The following CLUAP1 variants were observed in gnomAD, a reference collection of about 807,000 sequenced individuals.
CLUAP1 encodes clusterin-associated protein 1.
CLUAP1 carries 50 observed loss-of-function variants against 55.0 expected under a neutral mutation model. The observed-to-expected ratio is 0.91, with a 90% CI of 0.72 to 1.15. The LOEUF (loss-of-function observed/expected upper bound fraction) is 1.15, where lower values mean the gene tolerates loss of function less well. CLUAP1 is among the 50% of genes most tolerant of loss of function. The pLI is 0.00. For synonymous variants in CLUAP1, 195 were observed against 175.4 expected (o/e 1.11, Z -0.88); for missense variants, 530 against 507.6 (o/e 1.04, Z -0.42).
intron 6 of CLUAP1, among the ~76,000 whole-genome samples, chr16:3,517,713 A>G (rs1482948105): frequency 1.3e-5 from 2 of 152,232 alleles, no homozygotes; most frequent in Non-Finnish European, 2.9e-5. Context: ...CATCATCGTT[A>G]CAGAACAAAT....
chr16:3,503,863 A>G (rs1461829366), intron 1 of CLUAP1, among the ~76,000 whole-genome samples: 1 of 152,160 alleles, frequency 6.6e-6, no homozygotes, highest in East Asian at 1.9e-4. Flanking sequence ...TTGTCTTGCG[A>G]AGTCTGACCT....
At chr16:3,508,566 C>A in intron 4 of CLUAP1, 98 bp downstream of exon 4, 1 of 1,157,920 alleles carries the variant, frequency 8.6e-7, no homozygotes, top group Non-Finnish European at 1.2e-6. Context: ...TTTTCTTCCT[C>A]CTCAGCTGAG....
chr16:3,508,037 C>A (rs537940590), intron 3 of CLUAP1, among the ~76,000 whole-genome samples: 2 of 151,994 alleles, frequency 1.3e-5, no homozygotes, highest in African/African-American at 4.8e-5. Context: ...AGAATAAGTT[C>A]TTAGATTTGG....
intron 9 of CLUAP1, 137 bp from the exon 10 acceptor site, chr16:3,530,431 A>G: frequency 3.0e-6 from 2 of 666,916 alleles, no homozygotes; most frequent in Middle Eastern, 2.4e-4. Flanking sequence ...TGCATGGGAT[A>G]AGGATTTAAT....
intron 3 of CLUAP1, among the ~76,000 whole-genome samples, chr16:3,506,668 A>G (rs1349588747): frequency 6.6e-6 from 1 of 151,924 alleles, no homozygotes; most frequent in Non-Finnish European, 1.5e-5. Flanking sequence ...ACACCTGGCT[A>G]ATTTTTGCAT....
rs2038248982 is a variant in CLUAP1, at chr16:3,537,156, AG to A, written c.*888del. ...TGTGGCAAGACATAGTGCACAACAC[AG>A]GGACAAAGGCAGGTTTCCTGCAGCT... On this transcript the variant is annotated 3_prime_UTR_variant, in exon 12 of 12. Transcript: ENST00000576634. 1 of 152,240 alleles carries A rather than the reference AG, an allele frequency of 6.6e-6. No individual in the cohort carries two copies. Among genetic ancestry groups the A allele is most frequent in the African/African-American group, 2.4e-5 (1 of 41,470 alleles). 9.4% of individuals were successfully genotyped at this position (152,240 alleles called of 1,614,324 possible). A position where few individuals can be genotyped will look rare whatever the true frequency, so the allele number is the denominator to read the frequency against.
At chr16:3,512,235 C>T in intron 4 of CLUAP1, 148 bp from the exon 5 acceptor site, 1 of 565,844 alleles carries the variant, frequency 1.8e-6, no homozygotes, top group South Asian at 2.2e-5. Flanking sequence ...GGTGGTTCTG[C>T]CTATAATCCC....
At chr16:3,522,621 C>T (rs1299512026) in intron 7 of CLUAP1, among the ~76,000 whole-genome samples, 1 of 152,064 alleles carries the variant, frequency 6.6e-6, no homozygotes, top group African/African-American at 2.4e-5. Context: ...AGAGGATCCT[C>T]ACTCACTGCA....
rs139983845 is a variant in CLUAP1, at chr16:3,504,660, A to C, written c.23-60A>C. The C allele has an allele frequency of 1.1e-3, 990 of 930,550 alleles. 1 individual carries two copies. Among genetic ancestry groups the C allele is most frequent in the Non-Finnish European group, 1.7e-3 (927 of 558,180 alleles). 57.6% of individuals were successfully genotyped at this position (930,550 alleles called of 1,614,324 possible). ...GAAGGAAAAGTAAAGACAATATCTA[A>C]GTTAATAAGTAGTTGCTGTGTGATG... is the stretch of plus-strand genomic sequence containing the variant. On this transcript the variant is annotated intron_variant, in intron 1 of 11. Transcript: ENST00000576634.
chr16:3,496,844 A>G (rs575593252), upstream of CLUAP1: 1 of 292,978 alleles, frequency 3.4e-6, no homozygotes, highest in Admixed American at 4.2e-5. Flanking sequence ...CTCTTGTCAC[A>G]GACGACCTGA....
chr16:3,524,615 AAAAAAAG>A (rs2037906000), intron 8 of CLUAP1, among the ~76,000 whole-genome samples: 1 of 151,680 alleles, frequency 6.6e-6, no homozygotes, highest in African/African-American at 2.4e-5. Flanking sequence ...AAAAAAAAAA[AAAAAAAG>A]AAAGAGATTT....
intron 5 of CLUAP1, among the ~76,000 whole-genome samples, chr16:3,513,315 G>A (rs970841634): frequency 1.3e-5 from 2 of 152,190 alleles, no homozygotes; most frequent in African/African-American, 4.8e-5. Flanking sequence ...CTTCCAGTCA[G>A]CTGAAGTTGA....
At chr16:3,514,988 G>A (rs911324768) in intron 5 of CLUAP1, among the ~76,000 whole-genome samples, 2 of 152,166 alleles carry the variant, frequency 1.3e-5, no homozygotes, top group Non-Finnish European at 2.9e-5. Context: ...TATCGGTTGC[G>A]TTTGTTAGTG....
intron 3 of CLUAP1, among the ~76,000 whole-genome samples, chr16:3,506,626 C>T (rs533462967): frequency 6.6e-6 from 1 of 152,088 alleles, no homozygotes; most frequent in South Asian, 2.1e-4. Flanking sequence ...TCTCAGCCTC[C>T]CGAGTAGCTA....
At chr16:3,531,640 T>G (rs1167513982) in intron 10 of CLUAP1, among the ~76,000 whole-genome samples, 1 of 152,234 alleles carries the variant, frequency 6.6e-6, no homozygotes, top group East Asian at 1.9e-4. Flanking sequence ...GGCTCATGGC[T>G]AGTGGCCAGG....
At chr16:3,495,626 G>C in the CLUAP1 span, 1 of 1,133,944 alleles carries the variant, frequency 8.8e-7, no homozygotes, top group Non-Finnish European at 1.2e-6. Context: ...GGCATGGGAA[G>C]GGGCCAGAAC....
Position 3,520,012 on chromosome 16 carries a change from G to T in CLUAP1, c.689G>T (p.Arg230Leu), listed in dbSNP as rs866824176. ...TTAGAACTGGAAAGAAATCGGAAGCGACTAGAGACTCTGCAGAGTGTCAGG... is the reference window on the plus strand; with the variant it reads ...TTAGAACTGGAAAGAAATCGGAAGCTACTAGAGACTCTGCAGAGTGTCAGG... ...RKLELERNRK[R>L]LETLQSVRPC... The change falls in exon 7 of 12, where the codon CGA becomes CTA. Residue 230 changes from arginine to leucine, a missense_variant. Physicochemically the swap from Arg to Leu is moderately radical, Grantham distance 102. Transcript: ENST00000576634. The T allele has an allele frequency of 1.9e-6, 3 of 1,612,728 alleles. No homozygotes were observed. Among genetic ancestry groups the T allele is most frequent in the Non-Finnish European group, 2.5e-6 (3 of 1,179,668 alleles).
rs571989449 is a variant in CLUAP1, at chr16:3,509,434, G to T, written c.399+966G>T. On this transcript the variant is annotated intron_variant, in intron 4 of 11. Coordinates refer to ENST00000576634, the MANE Select transcript of CLUAP1 (RefSeq NM_015041.3). ...GTGCTTATTTCCCGTCCAAAGGGTT[G>T]CTCTGGCTGCTGAGCCGCCATCAGA... Among the ~76,000 whole-genome samples, 8 of 152,344 alleles carry T rather than the reference G, an allele frequency of 5.3e-5. 1 individual carries two copies. In the South Asian group the frequency reaches 1.7e-3, roughly 32 times the overall value.
intron 3 of CLUAP1, 25 bp from the exon 4 acceptor site, chr16:3,508,264 T>G (rs1458778162): frequency 1.8e-6 from 2 of 1,113,524 alleles, no homozygotes; most frequent in East Asian, 6.6e-5. Flanking sequence ...GCCTTCAACT[T>G]TTTTTTTTTT....
Sources: allele counts gnomAD v4.1 joint callset (sites outside exome capture counted in the v4.1 genomes callset), GRCh38; gene constraint gnomAD v4.1.1; transcripts MANE v1.5; gene names NCBI Gene and HGNC (gene_info 2026-07-23, HGNC 2026-07-21).